The following KSR2 variants were observed in gnomAD, a reference collection of about 807,000 sequenced individuals.
The protein encoded by KSR2 is kinase suppressor of ras 2.
A neutral mutation model predicts 107.8 loss-of-function variants in KSR2; 25 were observed. The ratio of observed to expected loss-of-function variants is 0.23; its 90% CI spans 0.17 to 0.32. The LOEUF (loss-of-function observed/expected upper bound fraction) is 0.32, where lower values mean the gene tolerates loss of function less well. KSR2 is among the 10% of genes least tolerant of loss of function. The pLI, the probability that KSR2 is intolerant of heterozygous loss-of-function variation, is 1.00. For synonymous variants in KSR2, 480 were observed against 507.0 expected, an observed-to-expected ratio of 0.95 and a Z score of 0.71; for missense variants, 887 against 1,268.9, an observed-to-expected ratio of 0.70 and a Z score of 4.57.
intron 5 of KSR2, among the ~76,000 whole-genome samples, chr12:117,603,764 T>G (rs892790735): frequency 6.6e-6 from 1 of 152,174 alleles, no homozygotes; most frequent in African/African-American, 2.4e-5. Flanking sequence ...AAAAAAACCT[T>G]GAAAACTGAG....
At chr12:117,720,157 C>T (rs921523400) in intron 4 of KSR2, among the ~76,000 whole-genome samples, 5 of 152,194 alleles carry the variant, frequency 3.3e-5, no homozygotes, top group Admixed American at 6.5e-5. Context: ...ATGGTTCATC[C>T]CTGCTGAACC....
chr12:117,540,272 G>T (rs1251035772), intron 9 of KSR2, among the ~76,000 whole-genome samples: 1 of 152,152 alleles, frequency 6.6e-6, no homozygotes, highest in Non-Finnish European at 1.5e-5. Context: ...AGAATCAACA[G>T]TCTGACAGCT....
At chr12:117,558,766 A>T (rs1877893676) in intron 7 of KSR2, among the ~76,000 whole-genome samples, 193 bp from the exon 8 acceptor site, 1 of 120,882 alleles carries the variant, frequency 8.3e-6, no homozygotes, top group African/African-American at 3.2e-5. Flanking sequence ...GGGTAGGTGG[A>T]TGCATAAATT....
At chr12:117,827,370 T>G (rs1459313458) in intron 3 of KSR2, among the ~76,000 whole-genome samples, 1 of 151,150 alleles carries the variant, frequency 6.6e-6, no homozygotes, top group African/African-American at 2.4e-5. Context: ...CTAAAATCAC[T>G]TATCTACACA....
chr12:117,755,730 C>T (rs1209797969), intron 4 of KSR2, among the ~76,000 whole-genome samples: 2 of 152,178 alleles, frequency 1.3e-5, no homozygotes, highest in South Asian at 2.1e-4. Context: ...AATGATTACG[C>T]TTAGTGAGGA....
Position 117,735,634 on chromosome 12 carries a change from G to A in KSR2, c.986+25377C>T, listed in dbSNP as rs144394545. Reference sequence around the variant, plus strand: ...AGTGTCACGCAAAATGTATCATTCCGCTTGTGGTAAAACAGTTCTTGGTTT... The same window carrying A: ...AGTGTCACGCAAAATGTATCATTCCACTTGTGGTAAAACAGTTCTTGGTTT... On this transcript the variant is annotated intron_variant, in intron 4 of 19. Transcript: ENST00000339824. Among the ~76,000 whole-genome samples, 374 of 152,134 alleles carry A rather than the reference G, an allele frequency of 2.5e-3. 4 individuals are homozygous for A. Among genetic ancestry groups the A allele is most frequent in the African/African-American group, 8.5e-3 (351 of 41,484 alleles).
chr12:117,529,403 A>AC (rs1253051981), intron 12 of KSR2, among the ~76,000 whole-genome samples: 5 of 152,008 alleles, frequency 3.3e-5, no homozygotes, highest in Non-Finnish European at 7.4e-5. Flanking sequence ...TTTAATATAG[A>AC]CGGGGTTTCA....
At chr12:117,490,494 T>C (rs1872691142) in intron 14 of KSR2, among the ~76,000 whole-genome samples, 1 of 152,242 alleles carries the variant, frequency 6.6e-6, no homozygotes, top group Non-Finnish European at 1.5e-5. Flanking sequence ...GAATGTGTCC[T>C]GCAATCATTG....
At chr12:117,679,497 A>C (rs1885282328) in intron 4 of KSR2, among the ~76,000 whole-genome samples, 1 of 152,228 alleles carries the variant, frequency 6.6e-6, no homozygotes, top group African/African-American at 2.4e-5. Flanking sequence ...CACAGCTTCC[A>C]TTGTCAGCAA....
intron 4 of KSR2, among the ~76,000 whole-genome samples, chr12:117,693,022 G>A (rs1885896835): frequency 6.6e-6 from 1 of 152,186 alleles, no homozygotes; most frequent in South Asian, 2.1e-4. Context: ...CCACTGAATT[G>A]TTCAGTTTAA....
At chr12:117,520,831 ATAGAGTCCCC>A in intron 14 of KSR2, among the ~76,000 whole-genome samples, 1 of 152,098 alleles carries the variant, frequency 6.6e-6, no homozygotes, top group Non-Finnish European at 1.5e-5. Flanking sequence ...TGGCTGTGTG[ATAGAGTCCCC>A]TGCACTCTGG....
chr12:117,528,436 T>C (rs1875377504), intron 12 of KSR2, among the ~76,000 whole-genome samples: 1 of 151,926 alleles, frequency 6.6e-6, no homozygotes, highest in Non-Finnish European at 1.5e-5. Context: ...ATTTCCCCAG[T>C]AGATTCCCCC....
intron 3 of KSR2, among the ~76,000 whole-genome samples, chr12:117,804,824 TC>T (rs893894054): frequency 6.6e-6 from 1 of 152,164 alleles, no homozygotes; most frequent in African/African-American, 2.4e-5. Context: ...TGTAAGCTGC[TC>T]TCCCTCTCAT....
rs146805879 is a variant in KSR2, at chr12:117,524,479, A to C, written c.2219+373T>G. On this transcript the variant is annotated intron_variant, in intron 14 of 19. Coordinates refer to ENST00000339824, the MANE Select transcript of KSR2 (RefSeq NM_173598.6). ...CCAGGAGTTTGAGACCATCCTGGGC[A>C]ACATAGCAAGACCCCATCTCTACCA... Among the ~76,000 whole-genome samples, 403 of 152,278 alleles carry C rather than the reference A, an allele frequency of 2.6e-3. 4 individuals are homozygous for C. The highest frequency in any genetic ancestry group is 8.8e-3 in the African/African-American group (366 of 41,560).
intron 1 of KSR2, among the ~76,000 whole-genome samples, chr12:117,914,545 A>C (rs1311228529): frequency 1.3e-5 from 2 of 152,144 alleles, no homozygotes; most frequent in Admixed American, 1.3e-4. Context: ...CATAATCAGT[A>C]ATTTATTTTA....
At chr12:117,805,277 A>C (rs1890972934) in intron 3 of KSR2, among the ~76,000 whole-genome samples, 1 of 152,238 alleles carries the variant, frequency 6.6e-6, no homozygotes. Flanking sequence ...TAGACTCTGA[A>C]TATTACTCAA....
chr12:117,941,317 T>C (rs894530626), intron 1 of KSR2, among the ~76,000 whole-genome samples: 2 of 151,828 alleles, frequency 1.3e-5, no homozygotes, highest in African/African-American at 4.8e-5. Flanking sequence ...TGTGACCCCC[T>C]AGAAATCAAG....
chr12:117,629,901 TC>T (rs1045720601), intron 5 of KSR2, among the ~76,000 whole-genome samples: 25 of 152,308 alleles, frequency 1.6e-4, no homozygotes, highest in Non-Finnish European at 2.8e-4. Context: ...TAAAGTCTAC[TC>T]CCATCATTCA....
At chr12:117,549,089 C>G (rs1042398815) in intron 9 of KSR2, among the ~76,000 whole-genome samples, 30 of 152,336 alleles carry the variant, frequency 2.0e-4, no homozygotes, top group African/African-American at 6.5e-4. Flanking sequence ...TTGAAGGTAA[C>G]TCTGATCCAA....
Sources: gnomAD v4.1 joint callset for allele counts (sites outside exome capture counted in the v4.1 genomes callset) on GRCh38, gnomAD v4.1.1 for gene constraint, MANE v1.5 for transcripts, NCBI Gene and HGNC (gene_info 2026-07-23, HGNC 2026-07-21) for gene names.